The following USP32 variants were observed in gnomAD, a reference collection of about 807,000 sequenced individuals.
USP32 encodes ubiquitin specific peptidase 32, also known as ubiquitin carboxyl-terminal hydrolase 32.
USP32 carries 59 observed loss-of-function variants against 204.8 expected under a neutral mutation model. That is an observed-to-expected ratio of 0.29 (90% CI 0.23 to 0.36). USP32 has a LOEUF of 0.36. Ranked by LOEUF, USP32 falls within the 10% of genes least tolerant of loss-of-function variation. USP32 has a pLI of 1.00. For missense variants in USP32, 1,160 were observed against 1,946.4 expected, an observed-to-expected ratio of 0.60 and a Z score of 7.60; for synonymous variants, 517 against 678.4, an observed-to-expected ratio of 0.76 and a Z score of 3.70.
At chr17:60,250,984 C>T (rs2086151701) in intron 11 of USP32, among the ~76,000 whole-genome samples, 1 of 151,352 alleles carries the variant, frequency 6.6e-6, no homozygotes, top group Admixed American at 6.6e-5. Flanking sequence ...ACATTGTCAC[C>T]CAGGCTGGAA....
In USP32 at chr17:60,183,205, G is replaced by C. The variant is rs760537139; in HGVS notation, c.4083C>G (p.Ser1361Arg). 6.2e-7 allele frequency: 1 copy of C among 1,613,920 alleles called. No individual in the cohort carries two copies. The highest frequency in any genetic ancestry group is 8.5e-7 in the Non-Finnish European group (1 of 1,179,830). ...AGEEDVLLSK[S>R]PSSLSANIIS... Reference sequence around the variant, plus strand: ...TGATGTTAGCGCTGAGTGAGGATGGGCTTTTGCTCAGGAGCACGTCCTCTT... The same window carrying C: ...TGATGTTAGCGCTGAGTGAGGATGGCCTTTTGCTCAGGAGCACGTCCTCTT... The change falls in exon 31 of 34, where the codon AGC (serine) becomes AGG (arginine). Residue 1361 changes from serine (S) to arginine (R), a missense_variant. This residue lies in a region of USP32 where 244 missense variants were observed against 342.3 expected (regional missense o/e 0.71). Transcript: ENST00000300896.
At chr17:60,248,681 C>A (rs2086095746) in intron 11 of USP32, among the ~76,000 whole-genome samples, 1 of 152,116 alleles carries the variant, frequency 6.6e-6, no homozygotes, top group African/African-American at 2.4e-5. Context: ...TTGCTATTTT[C>A]TATTTGGACA....
chr17:60,342,577 T>A (rs2088686365), intron 2 of USP32, among the ~76,000 whole-genome samples: 1 of 152,172 alleles, frequency 6.6e-6, no homozygotes, highest in Non-Finnish European at 1.5e-5. Context: ...TGCAGTGGGC[T>A]CCTCCCAGTT....
intron 2 of USP32, among the ~76,000 whole-genome samples, chr17:60,335,891 CTG>C (rs2088503595): frequency 7.0e-6 from 1 of 143,084 alleles, no homozygotes; most frequent in South Asian, 2.1e-4. Context: ...TTGGCAGAGT[CTG>C]TAACACTGCC....
At chr17:60,193,369 T>A (rs1450055297) in intron 27 of USP32, among the ~76,000 whole-genome samples, 2 of 152,232 alleles carry the variant, frequency 1.3e-5, no homozygotes, top group Non-Finnish European at 2.9e-5. Context: ...GAATCGCTGA[T>A]GTGGTACATG....
chr17:60,180,840 TAAAC>T (rs2084090446), intron 32 of USP32, among the ~76,000 whole-genome samples: 2 of 151,242 alleles, frequency 1.3e-5, no homozygotes, highest in South Asian at 2.1e-4. Flanking sequence ...CTTGTGTGGA[TAAAC>T]AATCATTTTA....
In USP32 at chr17:60,192,852, T is replaced by C; in HGVS notation, c.3513A>G (p.Pro1171=). ...TTTGCAGGTCACTTTACCTATACCA[T>C]GGGCACCAAGCACAGGAGTTCCCAT... ...QKDGNSCAWC[P]WYRFCRGCKI... The change falls in exon 28 of 34, where the codon CCA becomes CCG. Residue 1171 remains proline (P), a synonymous_variant. Transcript: ENST00000300896. 7 of 1,614,054 alleles carry C rather than the reference T, an allele frequency of 4.3e-6. No individual in the cohort carries two copies. Among genetic ancestry groups the C allele is most frequent in the Non-Finnish European group, 5.9e-6 (7 of 1,179,878 alleles).
rs185191923 is a variant in USP32 at position 60,257,358 on chromosome 17, C to T, written c.991-2100G>A. Among the ~76,000 whole-genome samples the T allele has an allele frequency of 1.3e-3, 198 of 152,260 alleles. 1 individual carries two copies. The highest frequency in any genetic ancestry group is 4.5e-3 in the African/African-American group (185 of 41,528). Reference sequence around the variant, plus strand: ...CCAATTGGGGGGAGTCAGTATGAAACACACAGTGGGAATTAGCAAGCTCAT... The same window carrying T: ...CCAATTGGGGGGAGTCAGTATGAAATACACAGTGGGAATTAGCAAGCTCAT... On this transcript the variant is annotated intron_variant, in intron 9 of 33. Transcript: ENST00000300896.
chr17:60,304,467 G>A (rs1281792419), intron 2 of USP32, among the ~76,000 whole-genome samples: 1 of 151,734 alleles, frequency 6.6e-6, no homozygotes, highest in Non-Finnish European at 1.5e-5. Flanking sequence ...AGAGATACAT[G>A]TACCTCCATA....
intron 1 of USP32, among the ~76,000 whole-genome samples, chr17:60,385,273 A>G (rs924095235): frequency 6.6e-6 from 1 of 152,122 alleles, no homozygotes; most frequent in Non-Finnish European, 1.5e-5. Context: ...AAATCCTATA[A>G]AACAGCCCCA....
intron 5 of USP32, among the ~76,000 whole-genome samples, chr17:60,274,565 GATA>G (rs1375807425): frequency 6.6e-6 from 1 of 151,990 alleles, no homozygotes; most frequent in East Asian, 1.9e-4. Flanking sequence ...AAAGAACTAA[GATA>G]ATAATTTATC....
intron 1 of USP32, among the ~76,000 whole-genome samples, chr17:60,368,746 A>C (rs1236545856): frequency 6.6e-6 from 1 of 152,156 alleles, no homozygotes; most frequent in Non-Finnish European, 1.5e-5. Context: ...ATAATCATAC[A>C]TGGTTCTATA....
At chr17:60,420,069 G>GTTTAT (rs200207670) in intron 1 of USP32, among the ~76,000 whole-genome samples, 1,694 of 148,466 alleles carry the variant, frequency 0.011, 17 homozygotes, top group South Asian at 0.021. Flanking sequence ...TATTTATTTT[G>GTTTAT]TTTATTTTAT....
rs78847608 is a variant in USP32, at chr17:60,387,675, T to C, written c.58+4207A>G. Among the ~76,000 whole-genome samples the C allele has an allele frequency of 1.1e-3, 169 of 152,290 alleles. 1 individual carries two copies. The highest frequency in any genetic ancestry group is 3.1e-3 in the African/African-American group (129 of 41,574). ...TTACATTCTTTGATACAACTTACAA[T>C]GAGATTACCTCCCAATAAACCCATC... On this transcript the variant is annotated intron_variant, in intron 1 of 33. Transcript: ENST00000300896.
At chr17:60,297,487 C>T (rs532874385) in intron 3 of USP32, among the ~76,000 whole-genome samples, 4 of 151,132 alleles carry the variant, frequency 2.6e-5, no homozygotes, top group South Asian at 4.2e-4. Flanking sequence ...CTTGCCCTGT[C>T]GCCCAGGTTG....
At position 60,320,934 on chromosome 17, in the gene USP32, T is replaced by C. The variant is rs182159446; in HGVS notation, c.187-19230A>G. ...CAGAGTAGCTATGGTCCTAGGAGAA[T>C]GGGACAAATTCTCATTGCTTTTTTT... is the stretch of plus-strand genomic sequence containing the variant. On this transcript the variant is annotated intron_variant, in intron 2 of 33. Transcript: ENST00000300896. Among the ~76,000 whole-genome samples the C allele has an allele frequency of 9.9e-5, 15 of 152,236 alleles. No individual in the cohort carries two copies. The East Asian group carries it at 2.9e-3, about 29-fold the overall frequency.
chr17:60,348,027 C>A (rs1240004848), intron 1 of USP32, among the ~76,000 whole-genome samples: 1 of 151,398 alleles, frequency 6.6e-6, no homozygotes, highest in African/African-American at 2.4e-5. Context: ...GAGGCTGAGG[C>A]AGGAGAATGG....
chr17:60,368,771 G>GTATAT (rs2089370428), intron 1 of USP32, among the ~76,000 whole-genome samples: 1 of 151,954 alleles, frequency 6.6e-6, no homozygotes, highest in Admixed American at 6.6e-5. Context: ...ACCTCGAAAT[G>GTATAT]GCAACATTAT....
intron 1 of USP32, among the ~76,000 whole-genome samples, chr17:60,390,887 A>C (rs1038541996): frequency 3.2e-5 from 3 of 92,754 alleles, no homozygotes; most frequent in African/African-American, 1.3e-4. Flanking sequence ...AAATACAAGC[A>C]TACACAGATC....
Sources: allele counts gnomAD v4.1 joint callset (sites outside exome capture counted in the v4.1 genomes callset), GRCh38; gene constraint gnomAD v4.1.1; regional missense constraint gnomAD v4.1.1; transcripts MANE v1.5; gene names NCBI Gene and HGNC (gene_info 2026-07-23, HGNC 2026-07-21).